Variants in TOR1A observed in about 807,000 individuals in gnomAD.
TOR1A encodes the protein torsin family 1 member A.
TOR1A carries 18 observed loss-of-function variants against 31.4 expected under a neutral mutation model. That is an observed-to-expected ratio of 0.57 (90% CI 0.40 to 0.85). The LOEUF (loss-of-function observed/expected upper bound fraction) is 0.85. TOR1A is among the 40% of genes least tolerant of loss of function. The pLI, the probability that TOR1A is intolerant of heterozygous loss-of-function variation, is 0.00. For synonymous variants in TOR1A, 168 were observed against 165.9 expected, an observed-to-expected ratio of 1.01 and a Z score of -0.10; for missense variants, 375 against 416.4, an observed-to-expected ratio of 0.90 and a Z score of 0.87.
chr9:129,823,148 G>C (rs1404272725), intron 1 of TOR1A, among the ~76,000 whole-genome samples: 3 of 152,146 alleles, frequency 2.0e-5, no homozygotes, highest in Non-Finnish European at 4.4e-5. Flanking sequence ...CCACCCCAAG[G>C]CAGAGCCGGG....
intron 4 of TOR1A, among the ~76,000 whole-genome samples, chr9:129,815,580 C>T (rs2031015703): frequency 2.0e-5 from 3 of 152,182 alleles, no homozygotes; most frequent in Admixed American, 6.5e-5. Flanking sequence ...GCCACGCAGA[C>T]CCAGGAGTGA....
At chr9:129,815,076 A>T (rs2031001893) in intron 4 of TOR1A, among the ~76,000 whole-genome samples, 3 of 152,206 alleles carry the variant, frequency 2.0e-5, no homozygotes, top group Admixed American at 2.0e-4. Context: ...GCCCCAGATG[A>T]CACAGCACAC....
intron 2 of TOR1A, among the ~76,000 whole-genome samples, chr9:129,821,077 G>A (rs1014510676): frequency 6.6e-6 from 1 of 152,202 alleles, no homozygotes; most frequent in African/African-American, 2.4e-5. Context: ...AGAGACAGCT[G>A]GATGACCTTG....
intron 2 of TOR1A, among the ~76,000 whole-genome samples, chr9:129,819,930 C>T (rs145812786): frequency 0.12 from 12,086 of 98,156 alleles, 578 homozygotes; most frequent in Middle Eastern, 0.2. Context: ...GACTCCGTCT[C>T]AAAAAAAAAA....
rs758492160 is a variant in TOR1A at position 129,818,872 on chromosome 9, A to T, written c.493T>A (p.Ser165Thr). The stretch of plus-strand genomic sequence containing the variant: ...TCCATTTCATCAAATATGAAGATGG[A>T]CCTCGCACAGGCACTCACGTTGCCT... The part of the protein sequence containing the change: ...IRGNVSACAR[S>T]IFIFDEMDKM... The change falls in exon 3 of 5, where the codon TCC (serine) becomes ACC (threonine). Residue 165 changes from serine (S) to threonine (T), a missense_variant. Ser to Thr is a moderately conservative substitution (Grantham distance 58, BLOSUM62 1). Coordinates refer to ENST00000351698, the MANE Select transcript of TOR1A (RefSeq NM_000113.3). 1.1e-5 allele frequency: 18 copies of T among 1,613,878 alleles called. No homozygotes were observed. The South Asian group carries it at 2.0e-4, about 18-fold the overall frequency.
chr9:129,823,093 T>C (rs1306033081), intron 1 of TOR1A, among the ~76,000 whole-genome samples: 1 of 152,104 alleles, frequency 6.6e-6, no homozygotes, highest in Non-Finnish European at 1.5e-5. Context: ...TTGGTGCCAC[T>C]GCCACTGCCA....
At chr9:129,820,892 C>T (rs975224527) in intron 2 of TOR1A, among the ~76,000 whole-genome samples, 1 of 152,202 alleles carries the variant, frequency 6.6e-6, no homozygotes, top group East Asian at 1.9e-4. Context: ...AGCCACCACA[C>T]CCGTGGAACA....
chr9:129,822,351 C>T (rs1360580185), intron 2 of TOR1A: 5 of 621,868 alleles, frequency 8.0e-6, no homozygotes, highest in Non-Finnish European at 1.5e-5. Flanking sequence ...AATCCCATGA[C>T]CCTACATACT....
At chr9:129,817,349 C>T (rs2031065258) in intron 4 of TOR1A, among the ~76,000 whole-genome samples, 1 of 152,196 alleles carries the variant, frequency 6.6e-6, no homozygotes, top group African/African-American at 2.4e-5. Flanking sequence ...CCCACGGCAT[C>T]CTTCCTTGCT....
chr9:129,823,157 G>C (rs1018631427), intron 1 of TOR1A: 1 of 445,788 alleles, frequency 2.2e-6, no homozygotes, highest in Non-Finnish European at 4.2e-6. Flanking sequence ...GGCAGAGCCG[G>C]GAAAGGAAAC....
Position 129,813,076 on chromosome 9 carries a change from A to G in TOR1A, c.*896T>C, listed in dbSNP as rs955578535. 5 of 152,220 alleles carry G rather than the reference A, an allele frequency of 3.3e-5. No homozygotes were observed. Among genetic ancestry groups the G allele is most frequent in the African/African-American group, 1.2e-4 (5 of 41,468 alleles). 9.4% of individuals were successfully genotyped at this position (152,220 alleles called of 1,614,324 possible). ...GGATTCTGATTGAACGTAACAAATAATAGTATAAATGAGGAAGATTTAATA... is the reference window on the plus strand; with the variant it reads ...GGATTCTGATTGAACGTAACAAATAGTAGTATAAATGAGGAAGATTTAATA... On this transcript the variant is annotated 3_prime_UTR_variant, in exon 5 of 5. Transcript: ENST00000351698.
At position 129,824,091 on chromosome 9, in the gene TOR1A, G is replaced by T. The variant is rs1348663747; in HGVS notation, c.-6C>A. 6.4e-7 allele frequency: 1 copy of T among 1,568,050 alleles called. No homozygotes were observed. The highest frequency in any genetic ancestry group is 8.6e-7 in the Non-Finnish European group (1 of 1,161,564). The stretch of plus-strand genomic sequence containing the variant: ...ACGGCCCGGCCCAGCTTCATGCCCG[G>T]ACCCGCGCCACCCTGCTTGTTCTCG... On this transcript the variant is annotated 5_prime_UTR_variant, in exon 1 of 5. Transcript: ENST00000351698.
chr9:129,822,300 G>A, intron 2 of TOR1A: 1 of 481,060 alleles, frequency 2.1e-6, no homozygotes, highest in Non-Finnish European at 3.8e-6. Context: ...TGAGTGAGAT[G>A]TGTTGATCTC....
intron 1 of TOR1A, chr9:129,823,178 C>CT: frequency 2.4e-6 from 1 of 414,684 alleles, no homozygotes; most frequent in Non-Finnish European, 4.5e-6. Context: ...AGTTTGGTCC[C>CT]TCCTGGTCGG....
At chr9:129,816,467 C>A (rs76349464) in intron 4 of TOR1A, among the ~76,000 whole-genome samples, 3 of 152,144 alleles carry the variant, frequency 2.0e-5, no homozygotes, top group African/African-American at 4.8e-5. Context: ...CATATCTATC[C>A]CCCATCATCT....
At chr9:129,822,317 G>A (rs1221452998) in intron 2 of TOR1A, 3 of 514,926 alleles carry the variant, frequency 5.8e-6, no homozygotes, top group Non-Finnish European at 1.1e-5. Context: ...TCTCTAAGAT[G>A]GATTTGATCA....
At chr9:129,823,464 C>A in intron 1 of TOR1A, 1 of 277,812 alleles carries the variant, frequency 3.6e-6, no homozygotes, top group Non-Finnish European at 7.0e-6. Context: ...GATGTGACCC[C>A]TACCCCGGCC....
intron 2 of TOR1A, among the ~76,000 whole-genome samples, chr9:129,820,883 G>A (rs1396385537): frequency 6.6e-6 from 1 of 152,216 alleles, no homozygotes; most frequent in Non-Finnish European, 1.5e-5. Context: ...ATAGGCATGA[G>A]CCACCACACC....
Position 129,813,904 on chromosome 9 carries a change from G to A in TOR1A, c.*68C>T, listed in dbSNP as rs1445336454. The A allele has an allele frequency of 6.3e-7, 1 of 1,590,180 alleles. No homozygotes were observed. The highest frequency in any genetic ancestry group is 8.6e-7 in the Non-Finnish European group (1 of 1,165,262). On this transcript the variant is annotated 3_prime_UTR_variant, in exon 5 of 5. Coordinates refer to ENST00000351698, the MANE Select transcript of TOR1A (RefSeq NM_000113.3). ...CCAGGGAAAGGAGCTGGGGGTGGAA[G>A]TGTGGAAGGACTGAGTGTTGTTTCT... is the stretch of plus-strand genomic sequence containing the variant.
Sources: gnomAD v4.1 joint callset for allele counts (sites outside exome capture counted in the v4.1 genomes callset) on GRCh38, gnomAD v4.1.1 for gene constraint, MANE v1.5 for transcripts, NCBI Gene and HGNC (gene_info 2026-07-23, HGNC 2026-07-21) for gene names.